KNDC1: variants seen among roughly 807,000 people sequenced by gnomAD.
KNDC1 encodes kinase non-catalytic C-lobe domain containing 1.
A neutral mutation model predicts 172.8 loss-of-function variants in KNDC1; 106 were observed. The observed-to-expected ratio is 0.61, with a 90% CI of 0.52 to 0.72. The LOEUF is 0.72. Ranked by LOEUF, KNDC1 falls within the 30% of genes least tolerant of loss-of-function variation. The probability of loss-of-function intolerance (pLI) is 0.00; values close to 1 mark genes in which losing one functional copy is unlikely to be tolerated. For missense variants in KNDC1, 2,325 were observed against 2,394.5 expected (o/e 0.97, Z 0.61); for synonymous variants, 1,083 against 1,062.2 (o/e 1.02, Z -0.38).
At chr10:133,177,267 A>G (rs1853563770) in intron 3 of KNDC1, among the ~76,000 whole-genome samples, 1 of 152,098 alleles carries the variant, frequency 6.6e-6, no homozygotes, top group Admixed American at 6.5e-5. Flanking sequence ...TTTTGTGTGC[A>G]CATGTATGTG....
At chr10:133,169,596 A>G (rs1853306050) in intron 3 of KNDC1, among the ~76,000 whole-genome samples, 1 of 152,198 alleles carries the variant, frequency 6.6e-6, no homozygotes, top group African/African-American at 2.4e-5. Flanking sequence ...GGGGTCCTAC[A>G]TTTTAGTGCA....
Position 133,160,415 on chromosome 10 carries a change from C to A in KNDC1, c.-53C>A. 8.3e-7 allele frequency: 1 copy of A among 1,199,144 alleles called. No homozygotes were observed. Among genetic ancestry groups the A allele is most frequent in the Non-Finnish European group, 1.1e-6 (1 of 909,934 alleles). 74.3% of individuals were successfully genotyped at this position (1,199,144 alleles called of 1,614,324 possible). On this transcript the variant is annotated 5_prime_UTR_variant, in exon 1 of 30. Coordinates refer to ENST00000304613, the MANE Select transcript of KNDC1 (RefSeq NM_152643.8). ...TGGAGCCAGGGCGCGCGTAGCCGAG[C>A]CCAGCCCAGCCCAGCCGGAGGCCCC...
At chr10:133,161,874 C>T (rs942591372) in intron 1 of KNDC1, among the ~76,000 whole-genome samples, 2 of 152,208 alleles carry the variant, frequency 1.3e-5, no homozygotes, top group African/African-American at 2.4e-5. Context: ...AGGGCCTCCC[C>T]GCTCCGCACA....
intron 5 of KNDC1, among the ~76,000 whole-genome samples, chr10:133,185,315 T>C (rs1853860337): frequency 6.7e-6 from 1 of 149,514 alleles, no homozygotes; most frequent in Non-Finnish European, 1.5e-5. Flanking sequence ...GAGTAGGCAG[T>C]GTGTACAGTG....
At position 133,224,658 on chromosome 10, in the gene KNDC1, G is replaced by A. The variant is rs1273286634; in HGVS notation, c.5019-1G>A. On this transcript the variant is annotated splice_acceptor_variant, in intron 29 of 29. Coordinates refer to ENST00000304613, the MANE Select transcript of KNDC1 (RefSeq NM_152643.8). LOFTEE classifies it high-confidence loss of function. This position sits in a 1 kb window ranked among gnomAD's most constrained non-coding sequence, Gnocchi z 5.4. ...AACGTCTCTTCTTTCCTCAACGGAA[G>A]GAACATCGCAAAGGTGGTGAGCCAG... The A allele has an allele frequency of 6.2e-7, 1 of 1,613,038 alleles. No homozygotes were observed. Among genetic ancestry groups the A allele is most frequent in the Non-Finnish European group, 8.5e-7 (1 of 1,179,114 alleles).
chr10:133,186,684 T>G lies in KNDC1; in HGVS notation c.1326+10T>G, dbSNP rs780588892. 1 of 1,557,040 alleles carries G rather than the reference T, an allele frequency of 6.4e-7. No individual in the cohort carries two copies. The highest frequency in any genetic ancestry group is 1.9e-5 in the Admixed American group (1 of 53,584). On this transcript the variant is annotated intron_variant, in intron 6 of 29. Coordinates refer to ENST00000304613, the MANE Select transcript of KNDC1 (RefSeq NM_152643.8). ...TGCAGCCGCGGAGCAGGTGGGTGCCTGGGTCTTGTGTGTGGGTGGAGGGGT... is the reference window on the plus strand; with the variant it reads ...TGCAGCCGCGGAGCAGGTGGGTGCCGGGGTCTTGTGTGTGGGTGGAGGGGT...
At chr10:133,217,706 C>G (rs1845496586) in intron 26 of KNDC1, among the ~76,000 whole-genome samples, 1 of 152,082 alleles carries the variant, frequency 6.6e-6, no homozygotes, top group Non-Finnish European at 1.5e-5. Context: ...CGGCTGTGAT[C>G]CCAGCACTTT....
At chr10:133,166,371 G>A (rs759802203) in intron 1 of KNDC1, among the ~76,000 whole-genome samples, 2 of 152,340 alleles carry the variant, frequency 1.3e-5, no homozygotes, top group East Asian at 3.9e-4. Context: ...CTCCATACTC[G>A]GGTGCGTGCG....
chr10:133,199,486 C>T lies in KNDC1; in HGVS notation c.2787C>T (p.Leu929=), dbSNP rs1003971697. ...MGEYIFALKD[L]TFATFCGAIS... ...AGTACATCTTCGCCTTGAAAGATCT[C>T]ACCTTTGCCACTTTCTGTGGCGCCA... Residue 929 remains leucine, a synonymous_variant, in exon 15 of 30, where the codon CTC becomes CTT. Transcript: ENST00000304613. 18 of 1,613,910 alleles carry T rather than the reference C, an allele frequency of 1.1e-5. No individual in the cohort carries two copies. The highest frequency in any genetic ancestry group is 1.4e-5 in the Non-Finnish European group (17 of 1,179,992).
chr10:133,219,480 T>G (rs115692405), intron 28 of KNDC1, among the ~76,000 whole-genome samples: 240 of 152,252 alleles, frequency 1.6e-3, no homozygotes, highest in African/African-American at 5.6e-3. Flanking sequence ...CAAACATGAC[T>G]CAGACGAGTC....
At chr10:133,179,739 G>A (rs1202520392) in intron 3 of KNDC1, among the ~76,000 whole-genome samples, 2 of 152,182 alleles carry the variant, frequency 1.3e-5, no homozygotes, top group African/African-American at 4.8e-5. Flanking sequence ...CGCAGGCGCC[G>A]TGGGAGCTGC....
At chr10:133,220,850 AGAG>A (rs1488722438) in intron 29 of KNDC1, among the ~76,000 whole-genome samples, 13 of 149,406 alleles carry the variant, frequency 8.7e-5, no homozygotes, top group Non-Finnish European at 1.5e-5. Flanking sequence ...CGCATCCAGC[AGAG>A]GAGGGGCTCA....
At chr10:133,167,692 C>G (rs1853219062) in intron 2 of KNDC1, 113 bp downstream of exon 2, 1 of 1,215,278 alleles carries the variant, frequency 8.2e-7, no homozygotes, top group South Asian at 1.4e-5. Context: ...ATGCCCGGAC[C>G]CGGGTTTCCT....
At position 133,210,502 on chromosome 10, in the gene KNDC1, C is replaced by T. The variant is rs546176966; in HGVS notation, c.3795-109C>T. The T allele has an allele frequency of 4.3e-5, 29 of 670,022 alleles. 1 individual carries two copies. In the South Asian group the frequency reaches 4.7e-4, roughly 11 times the overall value. 41.5% of individuals were successfully genotyped at this position (670,022 alleles called of 1,614,324 possible). A position where few individuals can be genotyped will look rare whatever the true frequency, so the allele number is the denominator to read the frequency against. On this transcript the variant is annotated intron_variant, in intron 20 of 29. Transcript: ENST00000304613. Reference sequence around the variant, plus strand: ...TCCGGGGATTCTCCTGACAGTGATACTCAAAGAAAACGCACACACACATAC... The same window carrying T: ...TCCGGGGATTCTCCTGACAGTGATATTCAAAGAAAACGCACACACACATAC...
chr10:133,207,442 C>T (rs1297452167), intron 20 of KNDC1, 91 bp downstream of exon 20: 1 of 1,215,874 alleles, frequency 8.2e-7, no homozygotes, highest in Non-Finnish European at 1.2e-6. Flanking sequence ...GTCAGCTAGG[C>T]TGGGTTTGCA....
intron 26 of KNDC1, among the ~76,000 whole-genome samples, chr10:133,215,867 C>T (rs111915654): frequency 9.2e-5 from 14 of 152,362 alleles, no homozygotes; most frequent in African/African-American, 2.4e-4. Flanking sequence ...CCAGCGTGGC[C>T]GGGACAGAGC....
At position 133,213,638 on chromosome 10, in the gene KNDC1, T is replaced by C; in HGVS notation, c.4444-7T>C. 1 of 1,613,510 alleles carries C rather than the reference T, an allele frequency of 6.2e-7. No individual in the cohort carries two copies. Among genetic ancestry groups the C allele is most frequent in the Non-Finnish European group, 8.5e-7 (1 of 1,179,456 alleles). On this transcript the variant is annotated splice_region_variant and splice_polypyrimidine_tract_variant and intron_variant, in intron 24 of 29. Coordinates refer to ENST00000304613, the MANE Select transcript of KNDC1 (RefSeq NM_152643.8). The stretch of plus-strand genomic sequence containing the variant: ...GCCTGAACCTCTTGTTTCCATGTTC[T>C]GGGCAGGAGTTGTTTCAAAAGTGCC...
At position 133,201,693 on chromosome 10, in the gene KNDC1, C is replaced by T. The variant is rs1854372522; in HGVS notation, c.3182C>T (p.Ser1061Leu). Residue 1061 changes from serine (S) to leucine (L), a missense_variant, in exon 17 of 30, where the codon TCA becomes TTA. Coordinates refer to ENST00000304613, the MANE Select transcript of KNDC1 (RefSeq NM_152643.8). ...GEDRRPAGGA[S>L]DVEAVTRLAR... ...GACAGACGGCCAGCTGGCGGGGCCT[C>T]AGACGTGGAGGCAGTGACCCGACTG... 7 of 1,611,988 alleles carry T rather than the reference C, an allele frequency of 4.3e-6. No homozygotes were observed. Among genetic ancestry groups the T allele is most frequent in the Non-Finnish European group, 5.9e-6 (7 of 1,179,622 alleles).
chr10:133,214,641 G>A (rs1263401066), intron 26 of KNDC1, among the ~76,000 whole-genome samples: 1 of 152,222 alleles, frequency 6.6e-6, no homozygotes, highest in African/African-American at 2.4e-5. Flanking sequence ...GATGCCCAGC[G>A]TCCCACCCTG....
Sources: gnomAD v4.1 joint callset for allele counts (sites outside exome capture counted in the v4.1 genomes callset) on GRCh38, gnomAD v4.1.1 for gene constraint, Gnocchi (gnomAD v3.1) non-coding constraint, MANE v1.5 for transcripts, NCBI Gene and HGNC (gene_info 2026-07-23, HGNC 2026-07-21) for gene names.